The following TUB variants were observed in gnomAD, a reference collection of about 807,000 sequenced individuals.
TUB encodes the protein TUB bipartite transcription factor, also known as tubby protein homolog.
In TUB, 33 loss-of-function variants were observed where a neutral mutation model predicts 59.7. The ratio of observed to expected loss-of-function variants is 0.55; its 90% CI spans 0.42 to 0.74. The LOEUF (loss-of-function observed/expected upper bound fraction) is 0.74. TUB is among the 30% of genes least tolerant of loss of function. TUB has a pLI of 0.00. For missense variants in TUB, 659 were observed against 672.0 expected (o/e 0.98, Z 0.21); for synonymous variants, 293 against 256.4 (o/e 1.14, Z -1.36).
At chr11:8,087,417 GC>G (rs1211626052) in intron 1 of TUB, among the ~76,000 whole-genome samples, 2 of 152,238 alleles carry the variant, frequency 1.3e-5, no homozygotes, top group Non-Finnish European at 2.9e-5. Context: ...CTGTGGAATG[GC>G]CCCTCCTGCT....
chr11:8,100,415 A>G lies in TUB; in HGVS notation c.1117-88A>G. ...CTTCGGAGTGGAGATGGTGGGAACT[A>G]GCTCTTCCTCTTTATTCCCGTCCCC... On this transcript the variant is annotated intron_variant, in intron 9 of 11. Transcript: ENST00000299506. 4 of 1,011,186 alleles carry G rather than the reference A, an allele frequency of 4.0e-6. No individual in the cohort carries two copies. In the South Asian group the frequency reaches 4.1e-5, roughly 10 times the overall value. 62.6% of individuals were successfully genotyped at this position (1,011,186 alleles called of 1,614,324 possible).
chr11:8,064,053 A>G (rs553702750), intron 2 of TUB, among the ~76,000 whole-genome samples: 6 of 152,274 alleles, frequency 3.9e-5, no homozygotes, highest in African/African-American at 1.2e-4. Context: ...TTCTGAGTCT[A>G]AGAGCTGGAT....
At chr11:8,043,366 C>T (rs545555227) in intron 2 of TUB, among the ~76,000 whole-genome samples, 7 of 152,228 alleles carry the variant, frequency 4.6e-5, no homozygotes, top group African/African-American at 1.7e-4. Flanking sequence ...GATGAGTTCT[C>T]CACCTTTGTT....
intron 2 of TUB, among the ~76,000 whole-genome samples, chr11:8,059,443 A>G (rs1943080667): frequency 6.6e-6 from 1 of 152,208 alleles, no homozygotes; most frequent in East Asian, 1.9e-4. Context: ...TTTAGTGTGC[A>G]GCATCCACAG....
intron 1 of TUB, among the ~76,000 whole-genome samples, chr11:8,084,276 A>G (rs1943625630): frequency 6.6e-6 from 1 of 152,122 alleles, no homozygotes; most frequent in Admixed American, 6.5e-5. Flanking sequence ...CTTATGGGTA[A>G]TTTTGGCTCA....
At chr11:8,054,855 C>T (rs1942993099) in intron 2 of TUB, among the ~76,000 whole-genome samples, 1 of 152,196 alleles carries the variant, frequency 6.6e-6, no homozygotes, top group South Asian at 2.1e-4. Flanking sequence ...GGTAGAGTAG[C>T]TCAGCACAGC....
At chr11:8,100,686 T>C in intron 10 of TUB, 85 bp downstream of exon 10, 3 of 1,489,276 alleles carry the variant, frequency 2.0e-6, no homozygotes, top group Non-Finnish European at 2.8e-6. Flanking sequence ...AGCTGATGTG[T>C]GTATGTGGAG....
chr11:8,081,328 A>AGGCAGCCGCTCGCAGAGCC lies in TUB; in HGVS notation c.-182_-164dup, dbSNP rs1943557127. On this transcript the variant is annotated 5_prime_UTR_variant, in exon 1 of 12. Transcript: ENST00000299506. ...CCCATCTCGCCTCGCCGCGCCGCGC[A>AGGCAGCCGCTCGCAGAGCC]GGCAGCCGCTCGCAGAGCCAGCAGC... 3 of 975,142 alleles carry AGGCAGCCGCTCGCAGAGCC rather than the reference A, an allele frequency of 3.1e-6. No homozygotes were observed. Among genetic ancestry groups the AGGCAGCCGCTCGCAGAGCC allele is most frequent in the Non-Finnish European group, 3.7e-6 (3 of 821,140 alleles). The allele number at this position is 975,142 out of a possible 1,614,324, so 60.4% of individuals were successfully genotyped here.
At chr11:8,096,847 C>G in intron 6 of TUB, 41 bp downstream of exon 6, 1 of 1,607,852 alleles carries the variant, frequency 6.2e-7, no homozygotes, top group Non-Finnish European at 8.5e-7. Flanking sequence ...TTTTGGAGGA[C>G]TGCTCATCCG....
intron 2 of TUB, among the ~76,000 whole-genome samples, chr11:8,070,036 C>T (rs918962824): frequency 1.3e-5 from 2 of 152,160 alleles, no homozygotes; most frequent in Non-Finnish European, 2.9e-5. Flanking sequence ...CACTAGCCAG[C>T]GAGGCAACAT....
chr11:8,092,834 T>G (rs1158495999), intron 3 of TUB, among the ~76,000 whole-genome samples: 1 of 152,120 alleles, frequency 6.6e-6, no homozygotes, highest in Admixed American at 6.5e-5. Context: ...CTGTCTGCCC[T>G]CTACTGGCTA....
At chr11:8,032,122 G>A (rs982339067) in intron 1 of TUB, among the ~76,000 whole-genome samples, 1 of 151,732 alleles carries the variant, frequency 6.6e-6, no homozygotes, top group African/African-American at 2.4e-5. Context: ...GAAAGGCCGG[G>A]AGCGCCTGGG....
intron 1 of TUB, among the ~76,000 whole-genome samples, chr11:8,020,799 AC>A (rs1942413641): frequency 6.6e-6 from 1 of 152,192 alleles, no homozygotes; most frequent in African/African-American, 2.4e-5. Flanking sequence ...ACTTAAAATA[AC>A]AAAACCTACA....
At chr11:8,034,937 A>T (rs574116108), upstream of TUB, among the ~76,000 whole-genome samples, 1 of 152,218 alleles carries the variant, frequency 6.6e-6, no homozygotes, top group Non-Finnish European at 1.5e-5. Context: ...ATCTGATTCT[A>T]TCAGAACTGA....
At chr11:8,075,843 G>A (rs541526607) in intron 2 of TUB, 1 of 152,404 alleles carries the variant, frequency 6.6e-6, no homozygotes, top group East Asian at 1.9e-4. Flanking sequence ...CCAAGGTGGA[G>A]GGGCAGGTAG....
At chr11:8,072,025 A>G (rs1943368508) in intron 2 of TUB, among the ~76,000 whole-genome samples, 1 of 152,158 alleles carries the variant, frequency 6.6e-6, no homozygotes, top group South Asian at 2.1e-4. Context: ...CTTCCTCAGG[A>G]TGGAGGTACA....
intron 3 of TUB, among the ~76,000 whole-genome samples, chr11:8,091,200 GTTC>G (rs1177707360): frequency 6.6e-6 from 1 of 152,004 alleles, no homozygotes; most frequent in Non-Finnish European, 1.5e-5. Context: ...AGTATTTTAG[GTTC>G]TTCTCTGGGT....
At chr11:8,035,380 G>T (rs1345759439), upstream of TUB, 1 of 152,254 alleles carries the variant, frequency 6.6e-6, no homozygotes, top group Non-Finnish European at 1.5e-5. Context: ...TTTAAATTCT[G>T]CGCCTCAGGC....
chr11:8,038,513 C>A, upstream of TUB: 1 of 748,680 alleles, frequency 1.3e-6, no homozygotes, highest in South Asian at 5.0e-5. Context: ...GGCCTTTGTC[C>A]GCAGTGCACT....
Sources: allele counts gnomAD v4.1 joint callset (sites outside exome capture counted in the v4.1 genomes callset), GRCh38; gene constraint gnomAD v4.1.1; transcripts MANE v1.5; gene names NCBI Gene and HGNC (gene_info 2026-07-23, HGNC 2026-07-21).